The following NRF1 variants were observed in gnomAD, a reference collection of about 807,000 sequenced individuals.
The protein encoded by NRF1 is nuclear respiratory factor 1.
Under a neutral mutation model 58.5 loss-of-function variants are expected in NRF1, and 5 were observed. That is an observed-to-expected ratio of 0.09 (90% confidence interval 0.04 to 0.18). The LOEUF is 0.18. Among genes scored for constraint, NRF1 ranks in the 10% least tolerant of loss-of-function variants. The pLI, the probability that NRF1 is intolerant of heterozygous loss-of-function variation, is 1.00. For synonymous variants in NRF1, 224 were observed against 246.7 expected, an observed-to-expected ratio of 0.91 and a Z score of 0.86; for missense variants, 288 against 657.7, an observed-to-expected ratio of 0.44 and a Z score of 6.15.
At chr7:129,700,718 A>G (rs1485011698) in intron 5 of NRF1, among the ~76,000 whole-genome samples, 2 of 152,094 alleles carry the variant, frequency 1.3e-5, no homozygotes, top group African/African-American at 4.8e-5. Flanking sequence ...AGGAGTTTTG[A>G]GACAACCTGG....
rs549760553 is a variant in NRF1, at chr7:129,620,310, T to C, written c.-7+8486T>C. ...TCTGGATTGCTTGGTTTTTTTATAC[T>C]CTAGGACTGACACTTAGTATATGTT... On this transcript the variant is annotated intron_variant, in intron 1 of 10. Transcript: ENST00000393232. Among the ~76,000 whole-genome samples the C allele has an allele frequency of 9.2e-5, 14 of 152,198 alleles. No individual in the cohort carries two copies. The South Asian group carries it at 2.9e-3, about 32-fold the overall frequency.
chr7:129,693,285 T>C (rs112748196), intron 5 of NRF1, among the ~76,000 whole-genome samples: 4 of 152,276 alleles, frequency 2.6e-5, no homozygotes, highest in African/African-American at 9.6e-5. Context: ...TTTTATTCCA[T>C]CTGAACCAGC....
intron 1 of NRF1, among the ~76,000 whole-genome samples, chr7:129,621,208 G>C (rs1800790529): frequency 6.6e-6 from 1 of 152,096 alleles, no homozygotes; most frequent in Non-Finnish European, 1.5e-5. Context: ...CTAGTTTCTG[G>C]GGCAGTGATA....
Position 129,711,486 on chromosome 7 carries a change from G to A in NRF1, c.975G>A (p.Gly325=), listed in dbSNP as rs1156790093. The A allele has an allele frequency of 1.9e-6, 3 of 1,611,190 alleles. No individual in the cohort carries two copies. Among genetic ancestry groups the A allele is most frequent in the African/African-American group, 1.3e-5 (1 of 74,998 alleles). ...ATATTTTTCTTTAGGTTGGTACGGG[G>A]GCAACAGTAGCCACATTGGCTGATG... The part of the protein sequence containing the change: ...GTVSLIQVGT[G]ATVATLADAS... Residue 325 remains glycine, a synonymous_variant, in exon 8 of 11, where the codon GGG becomes GGA. Transcript: ENST00000393232.
At chr7:129,687,872 A>T (rs1802478311) in intron 4 of NRF1, among the ~76,000 whole-genome samples, 1 of 152,258 alleles carries the variant, frequency 6.6e-6, no homozygotes, top group Non-Finnish European at 1.5e-5. Context: ...AAGGTTACTT[A>T]ACTTTAGTAA....
intron 2 of NRF1, among the ~76,000 whole-genome samples, chr7:129,657,803 AT>A (rs996716011): frequency 2.1e-4 from 32 of 151,986 alleles, no homozygotes; most frequent in African/African-American, 7.2e-4. Flanking sequence ...AGAGACAGAA[AT>A]GTCACTGTGT....
rs550214110 is a variant in NRF1, at chr7:129,750,415, C to CTGTT, written c.1349-4602_1349-4599dup. 4.6e-5 allele frequency among the ~76,000 whole-genome samples: 7 copies of CTGTT among 152,300 alleles called. No homozygotes were observed. In the South Asian group the frequency reaches 1.2e-3, roughly 27 times the overall value. ...CTTTCCCTTGCCAGGGACATGAAGG[C>CTGTT]TGTTAGGTCAGAGACACTGAGGCGA... On this transcript the variant is annotated intron_variant, in intron 10 of 10. Transcript: ENST00000393232.
chr7:129,731,931 A>G (rs972081313), intron 10 of NRF1, among the ~76,000 whole-genome samples: 25 of 152,114 alleles, frequency 1.6e-4, no homozygotes, highest in Non-Finnish European at 2.8e-4. Flanking sequence ...CATTTTTTGA[A>G]CATAGTTATC....
chr7:129,673,716 CAAA>C, intron 3 of NRF1, among the ~76,000 whole-genome samples: 1 of 99,108 alleles, frequency 1.0e-5, no homozygotes, highest in East Asian at 2.9e-4. Flanking sequence ...GACTCCGTCT[CAAA>C]AAAAAAAAAA....
At chr7:129,711,382 C>T (rs1803069154) in intron 7 of NRF1, 93 bp from the exon 8 acceptor site, 4 of 848,806 alleles carry the variant, frequency 4.7e-6, no homozygotes, top group South Asian at 3.4e-5. Flanking sequence ...GTTATCTGTG[C>T]TGAATTTGGG....
intron 1 of NRF1, among the ~76,000 whole-genome samples, chr7:129,648,722 TAATACTC>T (rs1294797909): frequency 1.3e-5 from 2 of 152,218 alleles, no homozygotes; most frequent in East Asian, 1.9e-4. Context: ...GATAGGATAT[TAATACTC>T]TATACTCCTA....
At chr7:129,653,720 G>T (rs548515039) in intron 1 of NRF1, among the ~76,000 whole-genome samples, 1 of 152,202 alleles carries the variant, frequency 6.6e-6, no homozygotes, top group Non-Finnish European at 1.5e-5. Flanking sequence ...CATGTAATTG[G>T]AATCATAAGT....
At chr7:129,642,447 G>C (rs1801311974) in intron 1 of NRF1, among the ~76,000 whole-genome samples, 1 of 152,122 alleles carries the variant, frequency 6.6e-6, no homozygotes, top group Non-Finnish European at 1.5e-5. Context: ...TACAGGGAAT[G>C]CTCTGTAGAC....
intron 1 of NRF1, among the ~76,000 whole-genome samples, chr7:129,639,040 A>G (rs1801230688): frequency 6.6e-6 from 1 of 152,138 alleles, no homozygotes; most frequent in Non-Finnish European, 1.5e-5. Flanking sequence ...GTTTATCTCA[A>G]TGAATTAACT....
chr7:129,685,699 A>G (rs974859413), intron 4 of NRF1, among the ~76,000 whole-genome samples: 2 of 151,998 alleles, frequency 1.3e-5, no homozygotes, highest in African/African-American at 4.8e-5. Context: ...TAAGTGACAC[A>G]TGTTTATTTG....
intron 10 of NRF1, among the ~76,000 whole-genome samples, chr7:129,739,483 T>G (rs1473287023): frequency 6.6e-6 from 1 of 151,850 alleles, no homozygotes; most frequent in African/African-American, 2.4e-5. Context: ...ACACAAATAC[T>G]TCATGAGCTT....
At chr7:129,682,749 C>G (rs1166373612) in intron 4 of NRF1, among the ~76,000 whole-genome samples, 1 of 151,280 alleles carries the variant, frequency 6.6e-6, no homozygotes, top group African/African-American at 2.4e-5. Flanking sequence ...ATGCAGTGAA[C>G]TATGATTATT....
intron 9 of NRF1, among the ~76,000 whole-genome samples, chr7:129,722,490 C>G (rs1028780720): frequency 1.3e-5 from 2 of 152,074 alleles, no homozygotes; most frequent in Non-Finnish European, 2.9e-5. Flanking sequence ...GATAGCCCTG[C>G]TTACCATAGG....
At chr7:129,719,219 G>A (rs764976835) in intron 9 of NRF1, among the ~76,000 whole-genome samples, 37 of 151,012 alleles carry the variant, frequency 2.5e-4, no homozygotes, top group Non-Finnish European at 3.5e-4. Context: ...CACAACCTCC[G>A]CCTGCCGGGT....
Sources: gnomAD v4.1 joint callset for allele counts (sites outside exome capture counted in the v4.1 genomes callset) on GRCh38, gnomAD v4.1.1 for gene constraint, MANE v1.5 for transcripts, NCBI Gene and HGNC (gene_info 2026-07-23, HGNC 2026-07-21) for gene names.